GUCA1C: variants seen among roughly 807,000 people sequenced by gnomAD.
GUCA1C encodes guanylate cyclase activator 1C.
A neutral mutation model predicts 16.2 loss-of-function variants in GUCA1C; 15 were observed. That is an observed-to-expected ratio of 0.93 (90% CI 0.62 to 1.43). The LOEUF (loss-of-function observed/expected upper bound fraction) is 1.43. Ranked by LOEUF, GUCA1C falls within the 40% of genes most tolerant of loss-of-function variation. The pLI is 0.00. For synonymous variants in GUCA1C, 78 were observed against 85.4 expected (o/e 0.91, Z 0.48); for missense variants, 275 against 244.8 (o/e 1.12, Z -0.82).
At position 108,936,614 on chromosome 3, in the gene GUCA1C, G is replaced by A. The variant is rs75328184; in HGVS notation, c.205-16029C>T. On this transcript the variant is annotated intron_variant, in intron 1 of 3. Transcript: ENST00000261047. ...CCTCAGAATTCATTACAATTAAATT[G>A]TCTTTCTAGGAGAGGCGTCACAGAC... Among the ~76,000 whole-genome samples the A allele has an allele frequency of 7.3e-3, 1,117 of 152,286 alleles. 14 individuals carry two copies. Among genetic ancestry groups the A allele is most frequent in the African/African-American group, 0.025 (1,039 of 41,552 alleles).
intron 1 of GUCA1C, among the ~76,000 whole-genome samples, chr3:108,946,934 T>C (rs181774558): frequency 1.4e-5 from 2 of 143,270 alleles, no homozygotes; most frequent in African/African-American, 5.1e-5. Context: ...CAATCGAAAA[T>C]TGGTCCACAG....
At chr3:108,928,923 T>C (rs1946644459) in intron 1 of GUCA1C, among the ~76,000 whole-genome samples, 1 of 152,210 alleles carries the variant, frequency 6.6e-6, no homozygotes, top group Non-Finnish European at 1.5e-5. Context: ...CGATTCTGGG[T>C]CTTTTGCCTC....
intron 1 of GUCA1C, among the ~76,000 whole-genome samples, chr3:108,922,296 C>T (rs1427845748): frequency 6.6e-6 from 1 of 152,206 alleles, no homozygotes; most frequent in Non-Finnish European, 1.5e-5. Flanking sequence ...TGCTGCCATA[C>T]ACATGCATGT....
Sources: gnomAD v4.1 joint callset for allele counts (sites outside exome capture counted in the v4.1 genomes callset) on GRCh38, gnomAD v4.1.1 for gene constraint, MANE v1.5 for transcripts, NCBI Gene and HGNC (gene_info 2026-07-23, HGNC 2026-07-21) for gene names.